HPN: variants seen among roughly 807,000 people sequenced by gnomAD.
HPN encodes serine protease hepsin.
HPN carries 13 observed loss-of-function variants against 55.9 expected under a neutral mutation model. That is an observed-to-expected ratio of 0.23 (90% CI 0.15 to 0.37). The LOEUF is 0.37. Among genes scored for constraint, HPN ranks in the 10% least tolerant of loss-of-function variants. The probability of loss-of-function intolerance (pLI) is 1.00; values close to 1 mark genes in which losing one functional copy is unlikely to be tolerated. For missense variants in HPN, 451 were observed against 575.8 expected (o/e 0.78, Z 2.22); for synonymous variants, 225 against 240.3 (o/e 0.94, Z 0.59).
rs75282208 is a variant in HPN, at chr19:35,060,828, G to A, written c.811+11G>A. The A allele has an allele frequency of 0.017, 26,540 of 1,555,558 alleles. 2,069 individuals are homozygous for A. In the African/African-American group the frequency reaches 0.21, roughly 12 times the overall value. ...CCCTGCCCCTCACAGGTAAGTCTAA[G>A]GGCTGAGCCATGGGGCTTGAGGACC... On this transcript the variant is annotated intron_variant, in intron 9 of 12. Coordinates refer to ENST00000672452, the MANE Select transcript of HPN (RefSeq NM_001384133.1).
At chr19:35,042,269 C>T in intron 1 of HPN, 184 bp from the exon 2 acceptor site, 1 of 1,360,986 alleles carries the variant, frequency 7.3e-7, no homozygotes, top group Non-Finnish European at 9.4e-7. Flanking sequence ...AGGCGTCCCC[C>T]CGCTGCTGGT....
rs542558224 is a variant in HPN at position 35,066,366 on chromosome 19, C to T, written c.*79C>T. The T allele has an allele frequency of 6.5e-6, 10 of 1,532,690 alleles. No homozygotes were observed. In the East Asian group the frequency reaches 9.8e-5, roughly 15 times the overall value. 94.9% of individuals were successfully genotyped at this position (1,532,690 alleles called of 1,614,324 possible). ...GATCCACGCTGGGCCTAGGATGGGA[C>T]GTTTTTCTTCTTGGGCCCGGTCCAC... On this transcript the variant is annotated 3_prime_UTR_variant, in exon 13 of 13. Transcript: ENST00000672452.
At chr19:35,058,541 A>G (rs1337186479) in intron 4 of HPN, among the ~76,000 whole-genome samples, 3 of 147,220 alleles carry the variant, frequency 2.0e-5, no homozygotes, top group Non-Finnish European at 3.0e-5. Context: ...ACAATATATT[A>G]GTATTATATT....
intron 9 of HPN, among the ~76,000 whole-genome samples, chr19:35,064,647 C>T (rs2064580074): frequency 6.6e-6 from 1 of 151,960 alleles, no homozygotes; most frequent in Non-Finnish European, 1.5e-5. Flanking sequence ...TGTGTTAAAA[C>T]ATACATGTTA....
At chr19:35,043,393 G>A (rs914720761) in intron 2 of HPN, among the ~76,000 whole-genome samples, 3 of 152,170 alleles carry the variant, frequency 2.0e-5, no homozygotes, top group Non-Finnish European at 2.9e-5. Context: ...CCCTAGCTGG[G>A]GCTGACTCCC....
intron 11 of HPN, 91 bp from the exon 12 acceptor site, chr19:35,065,777 A>G (rs2064600775): frequency 1.3e-6 from 2 of 1,595,890 alleles, no homozygotes; most frequent in Admixed American, 1.7e-5. Context: ...TAAAAGCCTG[A>G]GGGCTCTGGG....
rs909441125 is a variant in HPN at position 35,060,901 on chromosome 19, C to T, written c.811+84C>T. ...GGGACCAGGGGCACAAGGCAATCAA[C>T]TTATGGCTCAGGCATCCTTGGCAAT... On this transcript the variant is annotated intron_variant, in intron 9 of 12. Coordinates refer to ENST00000672452, the MANE Select transcript of HPN (RefSeq NM_001384133.1). 5 of 1,185,334 alleles carry T rather than the reference C, an allele frequency of 4.2e-6. No individual in the cohort carries two copies. The African/African-American group carries it at 7.7e-5, about 18-fold the overall frequency. 73.4% of individuals were successfully genotyped at this position (1,185,334 alleles called of 1,614,324 possible). A position where few individuals can be genotyped will look rare whatever the true frequency, so the allele number is the denominator to read the frequency against.
chr19:35,043,469 C>A (rs995827837), intron 2 of HPN, among the ~76,000 whole-genome samples: 2 of 152,216 alleles, frequency 1.3e-5, no homozygotes, highest in Non-Finnish European at 2.9e-5. Context: ...AGCTGTGTGG[C>A]CCTGGGCAGA....
intron 4 of HPN, among the ~76,000 whole-genome samples, chr19:35,050,276 C>T (rs1161454417): frequency 6.6e-6 from 1 of 152,170 alleles, no homozygotes; most frequent in African/African-American, 2.4e-5. Flanking sequence ...GCGTGTGCCA[C>T]CATGCCCAGT....
intron 4 of HPN, among the ~76,000 whole-genome samples, chr19:35,057,723 A>G (rs2064470239): frequency 6.6e-6 from 1 of 152,180 alleles, no homozygotes; most frequent in African/African-American, 2.4e-5. Context: ...GCTAAAAGAT[A>G]TTTTAAGTGT....
At chr19:35,066,076 G>T in intron 12 of HPN, 44 bp downstream of exon 12, 1 of 1,610,074 alleles carries the variant, frequency 6.2e-7, no homozygotes, top group Middle Eastern at 1.6e-4. Context: ...GGACGTTTGG[G>T]TGTCTAATGG....
chr19:35,051,446 A>C (rs1026314899), intron 4 of HPN, among the ~76,000 whole-genome samples: 2 of 152,098 alleles, frequency 1.3e-5, no homozygotes, highest in Admixed American at 1.3e-4. Context: ...GGATCTTGCT[A>C]CATTGCCCAG....
In HPN at chr19:35,055,913, C is replaced by T. The variant is rs993846117; in HGVS notation, c.161-3760C>T. Among the ~76,000 whole-genome samples, 12 of 152,270 alleles carry T rather than the reference C, an allele frequency of 7.9e-5. No homozygotes were observed. In the East Asian group the frequency reaches 2.3e-3, roughly 29 times the overall value. ...ACCACCTGAGTCAGGTCAGGGCCCTCCCCTGGCTGCACCTCACACCAGGTG... is the reference window on the plus strand; with the variant it reads ...ACCACCTGAGTCAGGTCAGGGCCCTTCCCTGGCTGCACCTCACACCAGGTG... On this transcript the variant is annotated intron_variant, in intron 4 of 12. Coordinates refer to ENST00000672452, the MANE Select transcript of HPN (RefSeq NM_001384133.1).
chr19:35,063,477 AGCGG>A (rs1328418390), intron 9 of HPN, among the ~76,000 whole-genome samples: 1 of 152,204 alleles, frequency 6.6e-6, no homozygotes, highest in Non-Finnish European at 1.5e-5. Context: ...GAGAGGCTGA[AGCGG>A]GCAGATCACT....
At chr19:35,053,398 AC>A (rs898928273) in intron 4 of HPN, among the ~76,000 whole-genome samples, 1 of 151,936 alleles carries the variant, frequency 6.6e-6, no homozygotes, top group African/African-American at 2.4e-5. Flanking sequence ...GGTGATGAGG[AC>A]CCCCCAGCTA....
At position 35,065,903 on chromosome 19, in the gene HPN, C is replaced by T. The variant is rs769360505; in HGVS notation, c.1086C>T (p.Ser362=). The T allele has an allele frequency of 6.2e-7, 1 of 1,614,150 alleles. No individual in the cohort carries two copies. Among genetic ancestry groups the T allele is most frequent in the East Asian group, 2.2e-5 (1 of 44,884 alleles). Residue 362 remains serine (S), a synonymous_variant, in exon 12 of 13, where the codon AGC becomes AGT. Transcript: ENST00000672452. ...GTGGTCCCTTTGTGTGTGAGGACAG[C>T]ATCTCTCGGACGCCACGTTGGCGGC... ...DSGGPFVCED[S]ISRTPRWRLC...
In HPN at chr19:35,060,677, A is replaced by G. The variant is rs772305402; in HGVS notation, c.671A>G (p.Gln224Arg). 3.8e-5 allele frequency: 62 copies of G among 1,614,060 alleles called. 1 individual carries two copies. Among genetic ancestry groups the G allele is most frequent in the South Asian group, 3.5e-4 (32 of 91,094 alleles). ...CGAGTGTTTGCCGGTGCCGTGGCCC[A>G]GGCCTCTCCCCACGGTCTGCAGCTG... ...RWRVFAGAVAQASPHGLQLGV... is the reference protein window; with the variant it reads ...RWRVFAGAVARASPHGLQLGV... Residue 224 changes from glutamine to arginine, a missense_variant, in exon 9 of 13, where the codon CAG (glutamine) becomes CGG (arginine). Gln to Arg is a conservative substitution (Grantham distance 43). Transcript: ENST00000672452.
At chr19:35,044,451 A>G (rs1467459106) in intron 2 of HPN, among the ~76,000 whole-genome samples, 1 of 152,010 alleles carries the variant, frequency 6.6e-6, no homozygotes, top group Non-Finnish European at 1.5e-5. Flanking sequence ...TGGGTGGGAG[A>G]AGAGGTGTGC....
chr19:35,061,048 C>T (rs994696835), intron 9 of HPN, among the ~76,000 whole-genome samples: 2 of 152,194 alleles, frequency 1.3e-5, no homozygotes, highest in African/African-American at 2.4e-5. Flanking sequence ...TTGGACCCAA[C>T]ACTTCCACTC....
Sources: allele counts gnomAD v4.1 joint callset (sites outside exome capture counted in the v4.1 genomes callset), GRCh38; gene constraint gnomAD v4.1.1; transcripts MANE v1.5; gene names NCBI Gene and HGNC (gene_info 2026-07-23, HGNC 2026-07-21).